MYO16: variants seen among roughly 807,000 people sequenced by gnomAD.
The protein encoded by MYO16 is unconventional myosin-XVI.
In MYO16, 94 loss-of-function variants were observed where a neutral mutation model predicts 205.3. The observed-to-expected ratio is 0.46, with a 90% CI of 0.39 to 0.54. The LOEUF (loss-of-function observed/expected upper bound fraction) is 0.54, where lower values mean the gene tolerates loss of function less well. Among genes scored for constraint, MYO16 ranks in the 20% least tolerant of loss-of-function variants. MYO16 has a pLI of 0.00. For missense variants in MYO16, 2,315 were observed against 2,387.5 expected (o/e 0.97, Z 0.63); for synonymous variants, 988 against 954.0 (o/e 1.04, Z -0.66).
chr13:109,077,931 C>G (rs1888161059), intron 27 of MYO16, among the ~76,000 whole-genome samples: 1 of 152,090 alleles, frequency 6.6e-6, no homozygotes, highest in African/African-American at 2.4e-5. Flanking sequence ...TTGAAGTCCT[C>G]TCACATATCA....
At chr13:108,777,839 T>C (rs951741528) in intron 4 of MYO16, among the ~76,000 whole-genome samples, 8 of 152,212 alleles carry the variant, frequency 5.3e-5, no homozygotes, top group Non-Finnish European at 1.0e-4. Flanking sequence ...TTTGCATACA[T>C]ACCTTCATAC....
At chr13:108,714,092 T>A (rs186493454) in intron 3 of MYO16, among the ~76,000 whole-genome samples, 371 of 152,304 alleles carry the variant, frequency 2.4e-3, no homozygotes, top group Middle Eastern at 0.014. Flanking sequence ...AGTCTCACTC[T>A]GTCGCCCAGG....
chr13:109,121,223 A>G (rs1191193711), intron 29 of MYO16, among the ~76,000 whole-genome samples: 2 of 152,134 alleles, frequency 1.3e-5, no homozygotes, highest in African/African-American at 4.8e-5. Flanking sequence ...GGCCTGTCCC[A>G]TCCTTACTGG....
chr13:108,787,083 G>C (rs1172282128), intron 5 of MYO16, among the ~76,000 whole-genome samples: 1 of 152,220 alleles, frequency 6.6e-6, no homozygotes, highest in African/African-American at 2.4e-5. Flanking sequence ...TATAGTTAAT[G>C]ATACTGTATT....
rs1418936019 is a variant in MYO16, at chr13:108,652,896, A to G, written c.29-12990A>G. On this transcript the variant is annotated intron_variant, in intron 1 of 34. Transcript: ENST00000457511. ...CAACACCCTGCTTTCAATTATTTTG[A>G]TGTATACCCAGAAGTAGCATTGTCA... Among the ~76,000 whole-genome samples the G allele has an allele frequency of 2.0e-5, 3 of 152,174 alleles. No individual in the cohort carries two copies. The South Asian group carries it at 6.2e-4, about 31-fold the overall frequency.
chr13:109,062,964 G>T (rs1311179632), intron 27 of MYO16, among the ~76,000 whole-genome samples: 1 of 152,052 alleles, frequency 6.6e-6, no homozygotes, highest in African/African-American at 2.4e-5. Context: ...CTATCAAAAT[G>T]ACTTCATTAA....
chr13:108,553,885 T>G, the MYO16 span, among the ~76,000 whole-genome samples: 1 of 152,176 alleles, frequency 6.6e-6, no homozygotes, highest in Non-Finnish European at 1.5e-5. Flanking sequence ...CTGCTGCCGA[T>G]GCGAGTGCCC....
At chr13:108,680,024 T>C (rs887173091) in intron 2 of MYO16, among the ~76,000 whole-genome samples, 1 of 151,756 alleles carries the variant, frequency 6.6e-6, no homozygotes, top group East Asian at 1.9e-4. Context: ...CATTCATCAC[T>C]TAGATCCCAG....
rs1413901143 is a variant in MYO16, at chr13:109,141,883, G to T, written c.5164+507G>T. Among the ~76,000 whole-genome samples, 1 of 152,088 alleles carries T rather than the reference G, an allele frequency of 6.6e-6. No homozygotes were observed. Among genetic ancestry groups the T allele is most frequent in the Non-Finnish European group, 1.5e-5 (1 of 68,038 alleles). On this transcript the variant is annotated intron_variant, in intron 32 of 34. Transcript: ENST00000457511. This position sits in a 1 kb window ranked among gnomAD's most constrained non-coding sequence, Gnocchi z 4.1. ...TACTACCCTGCGCTTAATGCCACTC[G>T]GCTGTGGGCTGTTTGGGATGAACTG...
the MYO16 span, among the ~76,000 whole-genome samples, chr13:108,529,653 G>T: frequency 6.6e-6 from 1 of 152,188 alleles, no homozygotes; most frequent in African/African-American, 2.4e-5. Context: ...TAATTGTGAA[G>T]TGCATAACTG....
chr13:109,133,296 C>T (rs1325285108), intron 31 of MYO16, among the ~76,000 whole-genome samples: 1 of 152,172 alleles, frequency 6.6e-6, no homozygotes, highest in Non-Finnish European at 1.5e-5. Flanking sequence ...CACAACCACA[C>T]TAGAAGTGTT....
chr13:108,786,738 G>A (rs964336198), intron 5 of MYO16, among the ~76,000 whole-genome samples: 3 of 152,204 alleles, frequency 2.0e-5, no homozygotes, highest in Non-Finnish European at 2.9e-5. Context: ...TGGTTACCAC[G>A]ACAGGGGATG....
At chr13:108,583,353 G>C in the MYO16 span, among the ~76,000 whole-genome samples, 1 of 152,132 alleles carries the variant, frequency 6.6e-6, no homozygotes, top group Admixed American at 6.5e-5. Flanking sequence ...CATTATCCAC[G>C]CAGAATTCCT....
At chr13:108,912,999 A>C (rs1881334091) in intron 16 of MYO16, among the ~76,000 whole-genome samples, 1 of 152,138 alleles carries the variant, frequency 6.6e-6, no homozygotes, top group Non-Finnish European at 1.5e-5. Context: ...GAAAACAAGG[A>C]TTTCTGTATT....
the MYO16 span, among the ~76,000 whole-genome samples, chr13:108,547,068 C>A: frequency 1.3e-5 from 2 of 151,872 alleles, no homozygotes. Context: ...GTCAGGAGAT[C>A]GAGATCATCC....
intron 25 of MYO16, among the ~76,000 whole-genome samples, chr13:109,054,824 C>T (rs898119961): frequency 6.6e-6 from 1 of 152,116 alleles, no homozygotes; most frequent in Admixed American, 6.6e-5. Flanking sequence ...TTTTGCTCTT[C>T]TGAACTGAAA....
intron 1 of MYO16, among the ~76,000 whole-genome samples, chr13:108,616,444 A>G (rs1248269267): frequency 1.3e-5 from 2 of 152,082 alleles, no homozygotes; most frequent in Non-Finnish European, 2.9e-5. Context: ...TGTGGATGGT[A>G]TCAACTCCAT....
the MYO16 span, among the ~76,000 whole-genome samples, chr13:108,563,694 A>T: frequency 2.0e-4 from 30 of 151,912 alleles, no homozygotes; most frequent in African/African-American, 7.0e-4. Context: ...TGGCTTGAAG[A>T]GTACTCCATT....
chr13:108,610,672 T>C (rs971041447), intron 1 of MYO16, among the ~76,000 whole-genome samples: 3 of 152,212 alleles, frequency 2.0e-5, no homozygotes, highest in Non-Finnish European at 4.4e-5. Context: ...CTCCTTCTTA[T>C]ATTTGCTTTA....
Sources: allele counts gnomAD v4.1 joint callset (sites outside exome capture counted in the v4.1 genomes callset), GRCh38; gene constraint gnomAD v4.1.1; non-coding constraint Gnocchi (gnomAD v3.1); transcripts MANE v1.5; gene names NCBI Gene and HGNC (gene_info 2026-07-23, HGNC 2026-07-21).